The following ASTN1 variants were observed in gnomAD, a reference collection of about 807,000 sequenced individuals.
ASTN1 encodes the protein astrotactin 1, also known as astrotactin-1.
Under a neutral mutation model 140.7 loss-of-function variants are expected in ASTN1, and 41 were observed. That is an observed-to-expected ratio of 0.29 (90% CI 0.23 to 0.38). ASTN1 has a LOEUF of 0.38. Ranked by LOEUF, ASTN1 falls within the 10% of genes least tolerant of loss-of-function variation. ASTN1 has a pLI of 1.00. For missense variants in ASTN1, 1,479 were observed against 1,678.8 expected (o/e 0.88, Z 2.08); for synonymous variants, 640 against 652.2 (o/e 0.98, Z 0.29).
At chr1:177,162,634 CT>C (rs1647447881) in intron 1 of ASTN1, among the ~76,000 whole-genome samples, 2 of 152,178 alleles carry the variant, frequency 1.3e-5, no homozygotes, top group East Asian at 1.9e-4. Flanking sequence ...CTAGCCCTCC[CT>C]TTTTTTAAGC....
At chr1:177,010,071 T>C (rs573736211) in intron 8 of ASTN1, among the ~76,000 whole-genome samples, 48 of 152,204 alleles carry the variant, frequency 3.2e-4, no homozygotes, top group Non-Finnish European at 6.3e-4. Flanking sequence ...TAGTCTTTCG[T>C]AATCATTTCC....
chr1:176,949,318 A>C lies in ASTN1; in HGVS notation c.1921T>G (p.Ser641Ala). Residue 641 changes from serine (S) to alanine (A), a missense_variant, in exon 12 of 23, where the codon TCT (serine) becomes GCT (alanine). Transcript: ENST00000361833. ...CCGATGTGGCGGTCATAGCAGCCAG[A>C]GCTGTCCTTCATGGGACTGAGTCCA... The part of the protein sequence containing the change: ...PSGLSPMKDS[S>A]GCYDRHIGVD... 3 of 1,614,106 alleles carry C rather than the reference A, an allele frequency of 1.9e-6. No homozygotes were observed. Among genetic ancestry groups the C allele is most frequent in the Non-Finnish European group, 2.5e-6 (3 of 1,180,030 alleles).
chr1:177,009,644 A>G (rs2101929850), intron 8 of ASTN1, among the ~76,000 whole-genome samples: 1 of 152,348 alleles, frequency 6.6e-6, no homozygotes, highest in African/African-American at 2.4e-5. Context: ...TGGGCCATGT[A>G]TGAGTAAGTG....
chr1:176,959,958 T>A (rs1672586628), intron 9 of ASTN1, among the ~76,000 whole-genome samples: 1 of 152,082 alleles, frequency 6.6e-6, no homozygotes. Flanking sequence ...TAGGGGACAA[T>A]AGAAGATCAT....
At chr1:176,866,952 A>G (rs1668144857) in intron 22 of ASTN1, among the ~76,000 whole-genome samples, 1 of 152,204 alleles carries the variant, frequency 6.6e-6, no homozygotes, top group Non-Finnish European at 1.5e-5. Context: ...GAGATCCATG[A>G]CACTAAACAG....
In ASTN1 at chr1:177,032,632, G is replaced by A. The variant is rs771638777; in HGVS notation, c.689C>T (p.Thr230Ile). The A allele has an allele frequency of 1.2e-6, 2 of 1,614,172 alleles. No homozygotes were observed. Among genetic ancestry groups the A allele is most frequent in the South Asian group, 1.1e-5 (1 of 91,088 alleles). The change falls in exon 3 of 23, where the codon ACC becomes ATC. Residue 230 changes from threonine (T) to isoleucine (I), a missense_variant. By Grantham distance (89) the Thr-to-Ile change is moderately conservative. Transcript: ENST00000361833. ...ARVQGHNSSG[T>I]LSIRETPILD... ...GATAGGTGTCTCCCGGATGCTCAGGGTGCCACTGGAGTTGTGGCCCTGCAC... is the reference window on the plus strand; with the variant it reads ...GATAGGTGTCTCCCGGATGCTCAGGATGCCACTGGAGTTGTGGCCCTGCAC...
At chr1:176,938,239 T>TAGCA (rs1671532344) in intron 14 of ASTN1, among the ~76,000 whole-genome samples, 9 of 152,242 alleles carry the variant, frequency 5.9e-5, no homozygotes, top group Admixed American at 5.9e-4. Context: ...TTTACAAGTT[T>TAGCA]AAGACTTCAG....
chr1:176,970,233 T>A (rs1304477505), intron 8 of ASTN1, among the ~76,000 whole-genome samples: 1 of 152,230 alleles, frequency 6.6e-6, no homozygotes, highest in Non-Finnish European at 1.5e-5. Context: ...AGGTTGGCTG[T>A]GGCCTTGATT....
At chr1:177,137,341 TC>T (rs1253078478) in intron 1 of ASTN1, among the ~76,000 whole-genome samples, 18 of 152,200 alleles carry the variant, frequency 1.2e-4, no homozygotes, top group Middle Eastern at 3.4e-3. Flanking sequence ...AGAGAATAGG[TC>T]CTCATCACAG....
Position 177,004,790 on chromosome 1 carries a change from C to T in ASTN1, c.1523+10001G>A, listed in dbSNP as rs567050001. ...GATAGCCACATGCAGAGGAATTAAA[C>T]GGGATCCCTATCCCTCACCATACAT... On this transcript the variant is annotated intron_variant, in intron 8 of 22. Transcript: ENST00000361833. 9.2e-5 allele frequency among the ~76,000 whole-genome samples: 14 copies of T among 152,248 alleles called. 1 individual carries two copies. In the South Asian group the frequency reaches 2.5e-3, roughly 27 times the overall value.
chr1:176,917,021 T>C (rs1456865602), intron 16 of ASTN1, among the ~76,000 whole-genome samples: 1 of 152,044 alleles, frequency 6.6e-6, no homozygotes, highest in Non-Finnish European at 1.5e-5. Context: ...AACTCCTTTT[T>C]CCCAGAGTCA....
In ASTN1 at chr1:176,963,305, A is replaced by G. The variant is rs76410653; in HGVS notation, c.1598+1858T>C. On this transcript the variant is annotated intron_variant, in intron 9 of 22. Coordinates refer to ENST00000361833, the MANE Select transcript of ASTN1 (RefSeq NM_004319.3). The stretch of plus-strand genomic sequence containing the variant: ...CATAGTAGCAAATAAGTAGCCAATT[A>G]CAGTCATTGACCAGGTCATAGAATT... Among the ~76,000 whole-genome samples the G allele has an allele frequency of 3.9e-5, 6 of 152,352 alleles. No homozygotes were observed. In the East Asian group the frequency reaches 1.2e-3, roughly 29 times the overall value.
chr1:176,995,411 T>C (rs1039499250), intron 8 of ASTN1, among the ~76,000 whole-genome samples: 1 of 152,222 alleles, frequency 6.6e-6, no homozygotes, highest in African/African-American at 2.4e-5. Flanking sequence ...CAGATGAGAC[T>C]ATCTGCATGC....
intron 1 of ASTN1, among the ~76,000 whole-genome samples, chr1:177,157,991 T>C (rs1245103224): frequency 6.6e-6 from 1 of 152,244 alleles, no homozygotes; most frequent in Non-Finnish European, 1.5e-5. Flanking sequence ...CCACCTTGTA[T>C]ATTTCTAGTC....
At chr1:176,984,319 A>G (rs975523233) in intron 8 of ASTN1, among the ~76,000 whole-genome samples, 1 of 152,200 alleles carries the variant, frequency 6.6e-6, no homozygotes, top group African/African-American at 2.4e-5. Context: ...CTCTTTCTCC[A>G]ATTTTAAGTG....
In ASTN1 at chr1:177,149,171, A is replaced by AT. The variant is rs1415185362; in HGVS notation, c.283+15222_283+15223insA. Among the ~76,000 whole-genome samples the AT allele has an allele frequency of 9.1e-4, 100 of 110,188 alleles. 13 individuals are homozygous for AT. The highest frequency in any genetic ancestry group is 4.2e-3 in the African/African-American group (95 of 22,520). 72.3% of individuals were successfully genotyped at this position (110,188 alleles called of 152,430 possible). On this transcript the variant is annotated intron_variant, in intron 1 of 22. Transcript: ENST00000361833. The stretch of plus-strand genomic sequence containing the variant: ...TGCATATATATAGTGTATATATAGT[A>AT]AATATATAGTGTATATATATAGTAA...
chr1:177,151,302 C>A (rs910640535), intron 1 of ASTN1, among the ~76,000 whole-genome samples: 5 of 151,910 alleles, frequency 3.3e-5, no homozygotes, highest in African/African-American at 4.8e-5. Context: ...TTAAGTTGAG[C>A]ACATGACTAC....
chr1:177,149,221 A>ATATATATAGTATATATATATAC lies in ASTN1; in HGVS notation c.283+15172_283+15173insGTATATATATATACTATATATA, dbSNP rs1558130691. 2.7e-4 allele frequency among the ~76,000 whole-genome samples: 27 copies of ATATATATAGTATATATATATAC among 98,806 alleles called. 3 individuals are homozygous for ATATATATAGTATATATATATAC. Among genetic ancestry groups the ATATATATAGTATATATATATAC allele is most frequent in the African/African-American group, 1.3e-3 (24 of 18,318 alleles). The allele number at this position is 98,806 out of a possible 152,430, so 64.8% of individuals were successfully genotyped here. ...AATATATATAGTGTATATATAGTAAATATATATAGTAAATATATATATACT... is the reference window on the plus strand; with the variant it reads ...AATATATATAGTGTATATATAGTAAATATATATAGTATATATATATACTATATATAGTAAATATATATATACT... On this transcript the variant is annotated intron_variant, in intron 1 of 22. Coordinates refer to ENST00000361833, the MANE Select transcript of ASTN1 (RefSeq NM_004319.3).
chr1:177,017,380 C>T (rs1675604294), intron 7 of ASTN1, among the ~76,000 whole-genome samples: 1 of 152,206 alleles, frequency 6.6e-6, no homozygotes, highest in Admixed American at 6.5e-5. Context: ...AAGCATTCCT[C>T]GTCTGTATTC....
Sources: gnomAD v4.1 joint callset for allele counts (sites outside exome capture counted in the v4.1 genomes callset) on GRCh38, gnomAD v4.1.1 for gene constraint, MANE v1.5 for transcripts, NCBI Gene and HGNC (gene_info 2026-07-23, HGNC 2026-07-21) for gene names.